Variants in WASHC5 observed in about 807,000 individuals in gnomAD.
WASHC5 encodes WASH complex subunit 5, also known as WASH complex subunit strumpellin.
In WASHC5, 101 loss-of-function variants were observed where a neutral mutation model predicts 150.4. That is an observed-to-expected ratio of 0.67 (90% confidence interval 0.57 to 0.79). The LOEUF is 0.79. Ranked by LOEUF, WASHC5 falls within the 30% of genes least tolerant of loss-of-function variation. WASHC5 has a pLI of 0.00. For missense variants in WASHC5, 1,195 were observed against 1,396.3 expected (o/e 0.86, Z 2.30); for synonymous variants, 467 against 491.2 (o/e 0.95, Z 0.65).
chr8:125,057,207 G>C (rs1415520756), intron 15 of WASHC5, among the ~76,000 whole-genome samples: 1 of 152,142 alleles, frequency 6.6e-6, no homozygotes, highest in East Asian at 1.9e-4. Context: ...ATGAAAACCT[G>C]AACTGGGCTC....
intron 11 of WASHC5, 118 bp downstream of exon 11, chr8:125,063,404 G>A: frequency 8.9e-7 from 1 of 1,118,560 alleles, no homozygotes; most frequent in Non-Finnish European, 1.4e-6. Context: ...ACTAAAGATG[G>A]AATATCATAG....
chr8:125,084,046 A>T (rs954531024), intron 1 of WASHC5, 24 bp from the exon 2 acceptor site: 3 of 751,644 alleles, frequency 4.0e-6, no homozygotes, highest in African/African-American at 1.7e-5. Flanking sequence ...AAAAGTGTGA[A>T]AATCTCAATT....
intron 17 of WASHC5, 53 bp from the exon 18 acceptor site, chr8:125,050,718 C>G: frequency 2.2e-6 from 3 of 1,375,232 alleles, no homozygotes; most frequent in South Asian, 1.2e-5. Context: ...TCAGTCCTAA[C>G]GAAATCCAGA....
chr8:125,031,841 C>T (rs1210581065), intron 27 of WASHC5, among the ~76,000 whole-genome samples: 1 of 152,156 alleles, frequency 6.6e-6, no homozygotes, highest in East Asian at 1.9e-4. Flanking sequence ...GGCTTTGACA[C>T]ACTGATATGT....
At chr8:125,086,012 A>C (rs1817409475) in intron 1 of WASHC5, among the ~76,000 whole-genome samples, 2 of 152,126 alleles carry the variant, frequency 1.3e-5, no homozygotes, top group South Asian at 4.2e-4. Flanking sequence ...CTGGTTGCCA[A>C]AGATGGCTCC....
intron 1 of WASHC5, among the ~76,000 whole-genome samples, chr8:125,087,748 A>G (rs1817462851): frequency 6.6e-6 from 1 of 152,054 alleles, no homozygotes; most frequent in South Asian, 2.1e-4. Context: ...AAAAAAAAAA[A>G]AAATTTTCTC....
At chr8:125,025,075 C>T (rs1815338241) in intron 28 of WASHC5, among the ~76,000 whole-genome samples, 1 of 151,728 alleles carries the variant, frequency 6.6e-6, no homozygotes, top group South Asian at 2.1e-4. Context: ...TAGGGGAGGG[C>T]AGGAATGAGA....
In WASHC5 at chr8:125,079,116, G is replaced by GTATATATATATATA. The variant is rs57043871; in HGVS notation, c.519-200_519-187dup. Among the ~76,000 whole-genome samples the GTATATATATATATA allele has an allele frequency of 5.8e-3, 563 of 97,846 alleles. 12 individuals carry two copies. The highest frequency in any genetic ancestry group is 0.012 in the African/African-American group (262 of 21,734). 64.2% of individuals were successfully genotyped at this position (97,846 alleles called of 152,430 possible). On this transcript the variant is annotated intron_variant, in intron 5 of 28. Transcript: ENST00000318410. ...TGTGTATATATATGTGTGTGTGTGTGTATATATATATATATATATATATAC... is the reference window on the plus strand; with the variant it reads ...TGTGTATATATATGTGTGTGTGTGTGTATATATATATATATATATATATATATATATATATATAC...
At chr8:125,032,667 T>G (rs1368242938) in intron 26 of WASHC5, 1 of 450,438 alleles carries the variant, frequency 2.2e-6, no homozygotes, top group Non-Finnish European at 4.1e-6. Flanking sequence ...TAACATATAT[T>G]ATTGTAGCAA....
Position 125,037,273 on chromosome 8 carries a change from C to A in WASHC5, c.3145G>T (p.Ala1049Ser), listed in dbSNP as rs375664674. Reference protein sequence around the residue: ...FPIVNFLFLIAQLPKLQYNKN... With the variant: ...FPIVNFLFLISQLPKLQYNKN... The stretch of plus-strand genomic sequence containing the variant: ...TTGTATTGAAGTTTTGGCAACTGAG[C>A]GATCAAAAATAGAAAGTTTACAATT... The change falls in exon 26 of 29, where the codon GCT becomes TCT. Residue 1049 changes from alanine (A) to serine (S), a missense_variant. Ala to Ser is a moderately conservative substitution (Grantham distance 99, BLOSUM62 1). Coordinates refer to ENST00000318410, the MANE Select transcript of WASHC5 (RefSeq NM_014846.4). 1.2e-5 allele frequency: 20 copies of A among 1,611,898 alleles called. No homozygotes were observed. The highest frequency in any genetic ancestry group is 2.2e-5 in the East Asian group (1 of 44,792).
At chr8:125,047,393 T>C (rs1816100133) in intron 19 of WASHC5, 62 bp from the exon 20 acceptor site, 31 of 1,515,224 alleles carry the variant, frequency 2.0e-5, no homozygotes, top group Non-Finnish European at 2.7e-5. Context: ...TTATCCCTTT[T>C]CCATATAATT....
At chr8:125,064,086 A>G (rs1043162571) in intron 10 of WASHC5, among the ~76,000 whole-genome samples, 9 of 152,194 alleles carry the variant, frequency 5.9e-5, no homozygotes, top group Non-Finnish European at 1.3e-4. Flanking sequence ...ACCTTCTCCA[A>G]TGACTGGGGA....
In WASHC5 at chr8:125,024,738, G is replaced by A. The variant is rs192545899; in HGVS notation, c.3424-65C>T. ...TTGAACAATTACAAAATTTTCATAC[G>A]TAAAAGAAAAGATATCCTTGGAGCA... On this transcript the variant is annotated intron_variant, in intron 28 of 28. Transcript: ENST00000318410. 5.7e-5 allele frequency: 64 copies of A among 1,117,570 alleles called. 2 individuals are homozygous for A. The South Asian group carries it at 6.8e-4, about 12-fold the overall frequency. 69.2% of individuals were successfully genotyped at this position (1,117,570 alleles called of 1,614,324 possible). A position where few individuals can be genotyped will look rare whatever the true frequency, so the allele number is the denominator to read the frequency against.
intron 17 of WASHC5, among the ~76,000 whole-genome samples, chr8:125,053,814 C>T (rs76702248): frequency 0.028 from 4,259 of 152,240 alleles, 203 homozygotes; most frequent in African/African-American, 0.098. Context: ...TCGCTACTCA[C>T]CATAACATTC....
intron 23 of WASHC5, chr8:125,040,704 T>C (rs2385001): frequency 2.0e-5 from 3 of 152,278 alleles, no homozygotes; most frequent in Non-Finnish European, 2.9e-5. Flanking sequence ...CCTGTTGCCA[T>C]GTGAAGAAGG....
chr8:125,079,116 G>GTGTATATATATA (rs370503575), intron 5 of WASHC5, among the ~76,000 whole-genome samples, 186 bp from the exon 6 acceptor site: 36 of 97,910 alleles, frequency 3.7e-4, no homozygotes, highest in African/African-American at 9.7e-4. Flanking sequence ...GTGTGTGTGT[G>GTGTATATATATA]TATATATATA....
chr8:125,035,523 TA>T (rs1463865180), intron 26 of WASHC5, among the ~76,000 whole-genome samples: 2 of 152,232 alleles, frequency 1.3e-5, no homozygotes, highest in Non-Finnish European at 2.9e-5. Context: ...GATGGCCCTT[TA>T]AATTGATTTT....
In WASHC5 at chr8:125,059,817, A is replaced by G. The variant is rs3736667; in HGVS notation, c.1522-275T>C. On this transcript the variant is annotated intron_variant, in intron 12 of 28. Transcript: ENST00000318410. ...TCTTTTGATGCACTTTTAAAAACAA[A>G]ACAATGATTCTACAATGTCTTGAAA... 0.029 allele frequency among the ~76,000 whole-genome samples: 4,402 copies of G among 152,352 alleles called. 127 individuals carry two copies. The highest frequency in any genetic ancestry group is 0.16 in the South Asian group (764 of 4,830).
At chr8:125,072,067 A>G (rs577989573) in intron 9 of WASHC5, among the ~76,000 whole-genome samples, 4 of 152,090 alleles carry the variant, frequency 2.6e-5, no homozygotes, top group East Asian at 3.9e-4. Context: ...CAGGCTGGGC[A>G]TGGTGGCTCA....
Sources: gnomAD v4.1 joint callset for allele counts (sites outside exome capture counted in the v4.1 genomes callset) on GRCh38, gnomAD v4.1.1 for gene constraint, MANE v1.5 for transcripts, NCBI Gene and HGNC (gene_info 2026-07-23, HGNC 2026-07-21) for gene names.